The following APBA2 variants were observed in gnomAD, a reference collection of about 807,000 sequenced individuals.
APBA2 encodes the protein amyloid-beta A4 precursor protein-binding family A member 2.
A neutral mutation model predicts 75.0 loss-of-function variants in APBA2; 30 were observed. That is an observed-to-expected ratio of 0.40 (90% CI 0.30 to 0.54). The LOEUF is 0.54. Among genes scored for constraint, APBA2 ranks in the 20% least tolerant of loss-of-function variants. APBA2 has a pLI of 0.49. For missense variants in APBA2, 801 were observed against 1,016.1 expected (o/e 0.79, Z 2.88); for synonymous variants, 444 against 409.6 (o/e 1.08, Z -1.01).
At chr15:29,016,751 G>A (rs1166123301) in intron 3 of APBA2, among the ~76,000 whole-genome samples, 1 of 152,052 alleles carries the variant, frequency 6.6e-6, no homozygotes, top group Non-Finnish European at 1.5e-5. Context: ...GTGTTACTGG[G>A]TGCAGGTGTC....
intron 4 of APBA2, among the ~76,000 whole-genome samples, chr15:29,073,541 AG>A (rs907291036): frequency 3.7e-4 from 57 of 152,258 alleles, no homozygotes; most frequent in African/African-American, 1.3e-3. Flanking sequence ...TAGTAGAGAC[AG>A]GGTTTCACCA....
chr15:29,058,844 C>A (rs1490406572), intron 4 of APBA2, among the ~76,000 whole-genome samples: 2 of 151,822 alleles, frequency 1.3e-5, no homozygotes, highest in Admixed American at 6.5e-5. Flanking sequence ...GCAAAAAAAT[C>A]TTTTGCCATG....
chr15:29,020,282 G>A (rs972720591), intron 3 of APBA2, among the ~76,000 whole-genome samples: 4 of 140,444 alleles, frequency 2.8e-5, no homozygotes, highest in Admixed American at 2.1e-4. Context: ...TGTTTTAGGT[G>A]TTTTTTTTTT....
Position 29,026,060 on chromosome 15 carries a change from G to T in APBA2, c.-40-27785G>T, listed in dbSNP as rs1358240262. On this transcript the variant is annotated intron_variant, in intron 3 of 14. Coordinates refer to ENST00000683413, the MANE Select transcript of APBA2 (RefSeq NM_001353788.2). ...CTGGGCAGGAAAGCTGCAACTTCTT[G>T]CCAACTTTATGCAGTTTATTTAGCA... Among the ~76,000 whole-genome samples the T allele has an allele frequency of 2.0e-5, 3 of 151,972 alleles. No individual in the cohort carries two copies. The East Asian group carries it at 5.8e-4, about 29-fold the overall frequency.
intron 3 of APBA2, among the ~76,000 whole-genome samples, chr15:29,013,273 C>CTTTTTT (rs560518234): frequency 1.3e-4 from 11 of 85,850 alleles, no homozygotes; most frequent in South Asian, 8.5e-4. Flanking sequence ...ATGAGTCATT[C>CTTTTTT]TTTTTTTTTT....
At chr15:28,934,474 G>T (rs2034738413) in intron 2 of APBA2, among the ~76,000 whole-genome samples, 1 of 152,170 alleles carries the variant, frequency 6.6e-6, no homozygotes, top group African/African-American at 2.4e-5. Context: ...AACTTTAGAG[G>T]CAGGACGAAG....
intron 2 of APBA2, among the ~76,000 whole-genome samples, chr15:28,989,686 T>G (rs1241548723): frequency 6.6e-6 from 1 of 152,182 alleles, no homozygotes; most frequent in Non-Finnish European, 1.5e-5. Context: ...AATAGAAGCC[T>G]CATTTGCTTA....
intron 1 of APBA2, among the ~76,000 whole-genome samples, chr15:28,904,034 T>C (rs905438114): frequency 3.3e-5 from 5 of 152,242 alleles, no homozygotes; most frequent in Admixed American, 3.3e-4. Flanking sequence ...CAACTTCATA[T>C]GCCTCAACTC....
intron 3 of APBA2, among the ~76,000 whole-genome samples, chr15:29,026,227 A>G (rs1239675631): frequency 6.6e-6 from 1 of 152,086 alleles, no homozygotes; most frequent in Non-Finnish European, 1.5e-5. Context: ...CAAGGAACGA[A>G]TCTCTGGGTT....
At chr15:29,023,559 G>A (rs946785524) in intron 3 of APBA2, among the ~76,000 whole-genome samples, 1 of 143,834 alleles carries the variant, frequency 7.0e-6, no homozygotes, top group African/African-American at 2.6e-5. Flanking sequence ...AGGTTCAAGC[G>A]ATTCTCCTGC....
chr15:29,112,593 C>T (rs541996227), intron 13 of APBA2, among the ~76,000 whole-genome samples: 16 of 152,276 alleles, frequency 1.1e-4, no homozygotes, highest in African/African-American at 3.6e-4. Flanking sequence ...AGCTGCCTTG[C>T]GGTATGGAAT....
At chr15:29,024,433 C>T (rs940870313) in intron 3 of APBA2, among the ~76,000 whole-genome samples, 4 of 152,292 alleles carry the variant, frequency 2.6e-5, no homozygotes, top group East Asian at 1.9e-4. Context: ...CTGGTCACTG[C>T]GGAGACAGCA....
At position 28,888,904 on chromosome 15, in the gene APBA2, T is replaced by C. The variant is rs531960094; in HGVS notation, c.-205+2626T>C. Among the ~76,000 whole-genome samples, 3 of 152,258 alleles carry C rather than the reference T, an allele frequency of 2.0e-5. No individual in the cohort carries two copies. In the South Asian group the frequency reaches 6.2e-4, roughly 32 times the overall value. On this transcript the variant is annotated intron_variant, in intron 1 of 14. Transcript: ENST00000683413. ...GACCACCAGGCAGGCCTCCCCGATG[T>C]AGGTCAAGTTTGAGATGGTTGCTCA...
chr15:28,933,262 A>G (rs1363109277), intron 2 of APBA2, among the ~76,000 whole-genome samples: 3 of 152,194 alleles, frequency 2.0e-5, no homozygotes, highest in Non-Finnish European at 4.4e-5. Context: ...GTGGGTGATC[A>G]GGTCCTGATG....
intron 2 of APBA2, among the ~76,000 whole-genome samples, chr15:28,952,104 C>T (rs989869504): frequency 2.6e-5 from 4 of 151,832 alleles, no homozygotes; most frequent in African/African-American, 9.7e-5. Flanking sequence ...CATCTGGCGG[C>T]GAAGCCCTGG....
chr15:29,091,999 G>A (rs1323528102), intron 6 of APBA2, among the ~76,000 whole-genome samples: 1 of 152,206 alleles, frequency 6.6e-6, no homozygotes, highest in African/African-American at 2.4e-5. Context: ...AGGTGACATG[G>A]CCAACATGGG....
chr15:29,022,419 T>G (rs2039997276), intron 3 of APBA2, among the ~76,000 whole-genome samples: 1 of 152,196 alleles, frequency 6.6e-6, no homozygotes, highest in South Asian at 2.1e-4. Flanking sequence ...AGGGCTTCCT[T>G]ATACTGAGTA....
At position 28,935,871 on chromosome 15, in the gene APBA2, G is replaced by A. The variant is rs1323918539; in HGVS notation, c.-95+14122G>A. 3.9e-5 allele frequency among the ~76,000 whole-genome samples: 6 copies of A among 152,346 alleles called. No individual in the cohort carries two copies. The South Asian group carries it at 1.0e-3, about 26-fold the overall frequency. ...TTTAGTTCATGTTCTTTAACAATAG[G>A]TTATTCATGCAGAGCTCATCTCTAT... is the stretch of plus-strand genomic sequence containing the variant. On this transcript the variant is annotated intron_variant, in intron 2 of 14. Coordinates refer to ENST00000683413, the MANE Select transcript of APBA2 (RefSeq NM_001353788.2).
intron 2 of APBA2, among the ~76,000 whole-genome samples, chr15:28,942,969 C>G (rs1353042985): frequency 2.6e-5 from 4 of 152,222 alleles, no homozygotes; most frequent in African/African-American, 9.7e-5. Context: ...GCCAGACTGT[C>G]TGGGAGATGT....
Sources: gnomAD v4.1 joint callset for allele counts (sites outside exome capture counted in the v4.1 genomes callset) on GRCh38, gnomAD v4.1.1 for gene constraint, MANE v1.5 for transcripts, NCBI Gene and HGNC (gene_info 2026-07-23, HGNC 2026-07-21) for gene names.